The following DGKB variants were observed in gnomAD, a reference collection of about 807,000 sequenced individuals.
DGKB encodes diacylglycerol kinase beta, also known as 90 kDa diacylglycerol kinase.
DGKB carries 67 observed loss-of-function variants against 114.3 expected under a neutral mutation model. The observed-to-expected ratio is 0.59, with a 90% CI of 0.48 to 0.72. DGKB has a LOEUF of 0.72. Among genes scored for constraint, DGKB ranks in the 30% least tolerant of loss-of-function variants. The pLI, the probability that DGKB is intolerant of heterozygous loss-of-function variation, is 0.00. For missense variants in DGKB, 907 were observed against 975.2 expected (o/e 0.93, Z 0.93); for synonymous variants, 398 against 323.1 (o/e 1.23, Z -2.49).
At chr7:14,163,921 G>T (rs1784264442) in intron 25 of DGKB, among the ~76,000 whole-genome samples, 1 of 151,918 alleles carries the variant, frequency 6.6e-6, no homozygotes, top group Admixed American at 6.6e-5. Flanking sequence ...CTTGAACCTG[G>T]GAGGCAGAGG....
intron 1 of DGKB, among the ~76,000 whole-genome samples, chr7:14,889,746 T>A (rs1393190621): frequency 6.6e-6 from 1 of 151,470 alleles, no homozygotes; most frequent in Admixed American, 6.6e-5. Context: ...AATAAAGACA[T>A]AAAATTCCAC....
chr7:14,652,514 G>C (rs1019043714), intron 13 of DGKB, among the ~76,000 whole-genome samples: 7 of 151,944 alleles, frequency 4.6e-5, no homozygotes, highest in South Asian at 2.1e-4. Flanking sequence ...ATGGATTAAA[G>C]ACTTAAACGT....
chr7:14,645,017 T>A (rs1288562843), intron 13 of DGKB, among the ~76,000 whole-genome samples: 1 of 152,168 alleles, frequency 6.6e-6, no homozygotes, highest in Non-Finnish European at 1.5e-5. Context: ...ACTCCACAAC[T>A]GGCATGAGAA....
At chr7:14,807,005 G>C (rs1336134885) in intron 2 of DGKB, among the ~76,000 whole-genome samples, 3 of 151,976 alleles carry the variant, frequency 2.0e-5, no homozygotes, top group Admixed American at 2.0e-4. Context: ...ATCACTGCTG[G>C]AGTAATCCTG....
intron 25 of DGKB, among the ~76,000 whole-genome samples, chr7:14,160,645 T>C (rs1045400149): frequency 3.9e-5 from 6 of 152,172 alleles, no homozygotes; most frequent in Admixed American, 2.6e-4. Flanking sequence ...TGGAAAAACA[T>C]TCCATGCTCA....
chr7:14,679,184 TG>T lies in DGKB; in HGVS notation c.1035+3368del, dbSNP rs200367367. Among the ~76,000 whole-genome samples, 524 of 94,706 alleles carry T rather than the reference TG, an allele frequency of 5.5e-3. 5 individuals carry two copies. The highest frequency in any genetic ancestry group is 0.026 in the African/African-American group (503 of 19,252). 62.1% of individuals were successfully genotyped at this position (94,706 alleles called of 152,430 possible). On this transcript the variant is annotated intron_variant, in intron 12 of 25. Coordinates refer to ENST00000402815, the MANE Select transcript of DGKB (RefSeq NM_001350709.2). ...TAAGTGTTCTTCATGGAGTGCCCTC[TG>T]GAAAACCAGGGATTGGTTTATGTGC...
At chr7:14,614,939 A>G (rs1806243543) in intron 15 of DGKB, among the ~76,000 whole-genome samples, 3 of 152,080 alleles carry the variant, frequency 2.0e-5, no homozygotes, top group Admixed American at 2.0e-4. Context: ...TAATGTACAT[A>G]AAGTGTCTAT....
At chr7:14,405,496 A>G (rs915219065) in intron 21 of DGKB, among the ~76,000 whole-genome samples, 5 of 152,058 alleles carry the variant, frequency 3.3e-5, no homozygotes, top group Non-Finnish European at 4.4e-5. Context: ...GGCTTCTTAA[A>G]GGATATAATC....
At position 14,486,454 on chromosome 7, in the gene DGKB, G is replaced by C. The variant is rs575230376; in HGVS notation, c.1771-8229C>G. On this transcript the variant is annotated intron_variant, in intron 20 of 25. Coordinates refer to ENST00000402815, the MANE Select transcript of DGKB (RefSeq NM_001350709.2). ...AGGAGCTAGTTACCAGACCCAGAGG[G>C]AAAGAGTTATATAGAGAAAACGGCC... 8.5e-5 allele frequency among the ~76,000 whole-genome samples: 13 copies of C among 152,298 alleles called. No individual in the cohort carries two copies. In the South Asian group the frequency reaches 1.2e-3, roughly 15 times the overall value.
intron 23 of DGKB, among the ~76,000 whole-genome samples, chr7:14,309,334 T>C (rs1388566068): frequency 2.0e-5 from 3 of 152,174 alleles, no homozygotes; most frequent in African/African-American, 7.2e-5. Flanking sequence ...TGTGAATGGT[T>C]CTATGTAAAA....
chr7:14,854,567 C>T lies in DGKB; in HGVS notation c.-187-13117G>A, dbSNP rs1478034369. Among the ~76,000 whole-genome samples the T allele has an allele frequency of 2.0e-5, 3 of 152,260 alleles. No homozygotes were observed. The East Asian group carries it at 5.8e-4, about 29-fold the overall frequency. ...CTAGATTCTTCACATACACAGTTCA[C>T]AGTAGGGTTTGTGCTCCTATGAGAA... is the stretch of plus-strand genomic sequence containing the variant. On this transcript the variant is annotated intron_variant, in intron 1 of 25. Transcript: ENST00000402815.
chr7:14,237,797 AC>A (rs1008438416), intron 23 of DGKB, among the ~76,000 whole-genome samples: 1 of 151,980 alleles, frequency 6.6e-6, no homozygotes, highest in Non-Finnish European at 1.5e-5. Context: ...AACATAAAAA[AC>A]AAGACGTTTG....
At chr7:14,295,004 G>A (rs188411346) in intron 23 of DGKB, among the ~76,000 whole-genome samples, 91 of 152,222 alleles carry the variant, frequency 6.0e-4, no homozygotes, top group African/African-American at 1.7e-3. Flanking sequence ...AATTGAGGAA[G>A]GGCATCCATC....
intron 23 of DGKB, among the ~76,000 whole-genome samples, chr7:14,198,188 G>A (rs1256479366): frequency 2.0e-5 from 3 of 152,070 alleles, no homozygotes; most frequent in Admixed American, 6.6e-5. Context: ...CAATAAAAAG[G>A]AATTTTGATT....
At chr7:14,413,309 C>T (rs1222132963) in intron 21 of DGKB, among the ~76,000 whole-genome samples, 6 of 152,064 alleles carry the variant, frequency 3.9e-5, no homozygotes, top group Non-Finnish European at 8.8e-5. Context: ...CTTTTACTTG[C>T]ATAACAAAAT....
chr7:14,678,683 T>G (rs1820302874), intron 12 of DGKB, among the ~76,000 whole-genome samples: 1 of 152,018 alleles, frequency 6.6e-6, no homozygotes, highest in South Asian at 2.1e-4. Flanking sequence ...TATAACAAAC[T>G]AGTATTTTCA....
At chr7:14,340,327 G>C (rs1398297528) in intron 22 of DGKB, among the ~76,000 whole-genome samples, 2 of 151,402 alleles carry the variant, frequency 1.3e-5, no homozygotes, top group East Asian at 3.9e-4. Flanking sequence ...AAGTAATCTT[G>C]TGTAAATACC....
At chr7:14,249,271 T>C (rs1217471602) in intron 23 of DGKB, among the ~76,000 whole-genome samples, 2 of 152,188 alleles carry the variant, frequency 1.3e-5, no homozygotes, top group Non-Finnish European at 2.9e-5. Flanking sequence ...TTTTTGCATC[T>C]ATGTTCATCA....
chr7:14,342,297 G>T (rs1811733047), intron 22 of DGKB, among the ~76,000 whole-genome samples: 1 of 151,772 alleles, frequency 6.6e-6, no homozygotes, highest in Admixed American at 6.6e-5. Context: ...AATATCTATA[G>T]AATAGGCTTT....
Sources: allele counts gnomAD v4.1 joint callset (sites outside exome capture counted in the v4.1 genomes callset), GRCh38; gene constraint gnomAD v4.1.1; transcripts MANE v1.5; gene names NCBI Gene and HGNC (gene_info 2026-07-23, HGNC 2026-07-21).